The following ALG1L2 variants were observed in gnomAD, a reference collection of about 807,000 sequenced individuals.
ALG1L2 encodes putative glycosyltransferase ALG1L2.
In ALG1L2, 32 loss-of-function variants were observed where a neutral mutation model predicts 29.0. That is an observed-to-expected ratio of 1.10 (90% confidence interval 0.83 to 1.48). The LOEUF is 1.48. Ranked by LOEUF, ALG1L2 falls within the 40% of genes most tolerant of loss-of-function variation. The pLI, the probability that ALG1L2 is intolerant of heterozygous loss-of-function variation, is 0.00. For missense variants in ALG1L2, 318 were observed against 274.1 expected (o/e 1.16, Z -1.13); for synonymous variants, 110 against 109.5 (o/e 1.00, Z -0.03).
chr3:130,095,019 CT>C, intron 5 of ALG1L2, among the ~76,000 whole-genome samples: 1 of 152,182 alleles, frequency 6.6e-6, no homozygotes, highest in Admixed American at 6.5e-5. Context: ...GGCTGAGGGC[CT>C]TTTCCTGGCA....
chr3:130,092,218 G>T lies in ALG1L2; in HGVS notation c.249G>T (p.Trp83Cys). 6.2e-7 allele frequency: 1 copy of T among 1,610,220 alleles called. No individual in the cohort carries two copies. The highest frequency in any genetic ancestry group is 8.5e-7 in the Non-Finnish European group (1 of 1,178,916). Residue 83 changes from tryptophan (W) to cysteine (C), a missense_variant, in exon 3 of 8, where the codon TGG (tryptophan) becomes TGT (cysteine). Trp to Cys is a radical substitution (Grantham distance 215). Coordinates refer to ENST00000425059, the MANE Select transcript of ALG1L2 (RefSeq NM_001136152.1). Reference sequence around the variant, plus strand: ...CCCTGCTGGTCAGCAGCACAAGCTGGACAGGTCTGCATGACCACTGGGGCA... The same window carrying T: ...CCCTGCTGGTCAGCAGCACAAGCTGTACAGGTCTGCATGACCACTGGGGCA... ...RPALLVSSTS[W>C]TEFEQLTLDG...
Position 130,098,214 on chromosome 3 carries a change from G to A in ALG1L2, c.616-9G>A, listed in dbSNP as rs1291081866. On this transcript the variant is annotated splice_polypyrimidine_tract_variant and intron_variant, in intron 7 of 7. Coordinates refer to ENST00000425059, the MANE Select transcript of ALG1L2 (RefSeq NM_001136152.1). ...GGGGACAGGCAATGAGGTAAGCTCT[G>A]CTCTTCAGTATTTTGCAGATGCTTT... 23 of 1,596,426 alleles carry A rather than the reference G, an allele frequency of 1.4e-5. No homozygotes were observed. The highest frequency in any genetic ancestry group is 1.9e-5 in the Non-Finnish European group (22 of 1,179,758).
chr3:130,094,128 C>T (rs993570701), intron 4 of ALG1L2: 12 of 480,276 alleles, frequency 2.5e-5, no homozygotes, highest in African/African-American at 2.2e-4. Flanking sequence ...TGGGTGGTCG[C>T]GTGCCAGGCC....
At chr3:130,095,987 G>A in intron 5 of ALG1L2, 62 bp from the exon 6 acceptor site, 2 of 1,474,554 alleles carry the variant, frequency 1.4e-6, no homozygotes, top group Non-Finnish European at 9.2e-7. Flanking sequence ...TCACTGTGCT[G>A]GGAGGATTTG....
chr3:130,084,369 T>G, intron 1 of ALG1L2, among the ~76,000 whole-genome samples: 1 of 147,124 alleles, frequency 6.8e-6, no homozygotes, highest in Non-Finnish European at 1.5e-5. Context: ...ATAAAGGAGA[T>G]GGAGAGGAAG....
chr3:130,088,377 C>T (rs771463646), intron 1 of ALG1L2, among the ~76,000 whole-genome samples: 26 of 152,298 alleles, frequency 1.7e-4, no homozygotes, highest in Non-Finnish European at 2.9e-4. Flanking sequence ...GGTCTTTCCC[C>T]TGCTGTTCCC....
At chr3:130,082,122 A>C (rs1305260288) in intron 1 of ALG1L2, 86 bp downstream of exon 1, 1 of 1,442,916 alleles carries the variant, frequency 6.9e-7, no homozygotes, top group Non-Finnish European at 9.5e-7. Context: ...AGACCCTTGA[A>C]GAAATCAGGG....
chr3:130,087,155 C>A (rs558562076), intron 1 of ALG1L2, among the ~76,000 whole-genome samples: 1 of 149,136 alleles, frequency 6.7e-6, no homozygotes, highest in Admixed American at 6.8e-5. Context: ...CTTCACTGAA[C>A]GATCAACATT....
intron 1 of ALG1L2, among the ~76,000 whole-genome samples, chr3:130,083,334 C>T (rs1457463477): frequency 2.3e-5 from 3 of 130,698 alleles, no homozygotes; most frequent in Non-Finnish European, 5.3e-5. Context: ...ATCCCAGCTA[C>T]TCAGGAGGCT....
intron 6 of ALG1L2, 45 bp downstream of exon 6, chr3:130,096,208 C>G: frequency 1.3e-6 from 2 of 1,595,920 alleles, no homozygotes; most frequent in Non-Finnish European, 1.7e-6. Flanking sequence ...CTTCACAGAT[C>G]CACCGCTGAG....
At position 130,091,997 on chromosome 3, in the gene ALG1L2, C is replaced by T. The variant is rs544734095; in HGVS notation, c.132-104C>T. 198 of 1,558,552 alleles carry T rather than the reference C, an allele frequency of 1.3e-4. 1 individual carries two copies. Among genetic ancestry groups the T allele is most frequent in the African/African-American group, 6.0e-4 (44 of 73,350 alleles). On this transcript the variant is annotated intron_variant, in intron 2 of 7. Coordinates refer to ENST00000425059, the MANE Select transcript of ALG1L2 (RefSeq NM_001136152.1). ...TGGTGCTGCTGATGCAGCCGGGCAC[C>T]CCAACCGTTGGGAGCCTGCAGGCCT...
chr3:130,082,132 G>T (rs1299533105), intron 1 of ALG1L2, 96 bp downstream of exon 1: 17 of 1,387,074 alleles, frequency 1.2e-5, no homozygotes, highest in Non-Finnish European at 1.7e-5. Flanking sequence ...AGAAATCAGG[G>T]TACAGGCAGT....
At chr3:130,094,563 GGAACAGGGGTGGGC>G in intron 5 of ALG1L2, 50 bp downstream of exon 5, 4 of 1,330,490 alleles carry the variant, frequency 3.0e-6, no homozygotes, top group Non-Finnish European at 4.2e-6. Context: ...TTATGCAGGG[GGAACAGGGGTGGGC>G]GGGGTGTACC....
rs1257287816 is a variant in ALG1L2 at position 130,092,208 on chromosome 3, G to A, written c.239G>A (p.Ser80Asn). Residue 80 changes from serine to asparagine, a missense_variant, in exon 3 of 8, where the codon AGC (serine) becomes AAC (asparagine). Transcript: ENST00000425059. ...GAGCGGCCAGCCCTGCTGGTCAGCA[G>A]CACAAGCTGGACAGGTCTGCATGAC... is the stretch of plus-strand genomic sequence containing the variant. ...LHERPALLVS[S>N]TSWTEFEQLT... 6.2e-7 allele frequency: 1 copy of A among 1,610,882 alleles called. No homozygotes were observed. The highest frequency in any genetic ancestry group is 8.5e-7 in the Non-Finnish European group (1 of 1,179,150).
In ALG1L2 at chr3:130,098,266, A is replaced by G; in HGVS notation, c.*11A>G. On this transcript the variant is annotated 3_prime_UTR_variant, in exon 8 of 8. Coordinates refer to ENST00000425059, the MANE Select transcript of ALG1L2 (RefSeq NM_001136152.1). ...CTCAAACTTTCCTGATCCTGAAGGC[A>G]AGCTAAACCAGTTCCGGAAGAACCT... 6.3e-7 allele frequency: 1 copy of G among 1,596,438 alleles called. No homozygotes were observed. Among genetic ancestry groups the G allele is most frequent in the South Asian group, 1.1e-5 (1 of 90,992 alleles).
intron 1 of ALG1L2, among the ~76,000 whole-genome samples, chr3:130,084,900 T>C (rs1420481183): frequency 3.9e-5 from 5 of 128,618 alleles, no homozygotes; most frequent in Admixed American, 1.6e-4. Flanking sequence ...CACACAAAAA[T>C]ACACATATAT....
intron 3 of ALG1L2, 145 bp downstream of exon 3, chr3:130,092,367 G>C: frequency 6.3e-7 from 1 of 1,599,540 alleles, no homozygotes; most frequent in Non-Finnish European, 8.5e-7. Context: ...GAAGAGTGGT[G>C]TCTAGAAACA....
chr3:130,082,900 T>C (rs1353211020), intron 1 of ALG1L2, among the ~76,000 whole-genome samples: 2 of 141,154 alleles, frequency 1.4e-5, no homozygotes, highest in East Asian at 4.0e-4. Context: ...CACTTTCTCT[T>C]ATTATAGAAT....
rs575121440 is a variant in ALG1L2, at chr3:130,093,986, A to G, written c.314-417A>G. On this transcript the variant is annotated intron_variant, in intron 4 of 7. Coordinates refer to ENST00000425059, the MANE Select transcript of ALG1L2 (RefSeq NM_001136152.1). Reference sequence around the variant, plus strand: ...GCAGGTGCGGCTTGGAACCCGCGCCATGTGCTCTGGGGGCTGTGGCAGGGC... The same window carrying G: ...GCAGGTGCGGCTTGGAACCCGCGCCGTGTGCTCTGGGGGCTGTGGCAGGGC... 9.2e-4 allele frequency: 222 copies of G among 240,532 alleles called. 2 individuals carry two copies. The highest frequency in any genetic ancestry group is 1.2e-3 in the Non-Finnish European group (145 of 120,882). 14.9% of individuals were successfully genotyped at this position (240,532 alleles called of 1,614,324 possible).
Sources: allele counts gnomAD v4.1 joint callset (sites outside exome capture counted in the v4.1 genomes callset), GRCh38; gene constraint gnomAD v4.1.1; transcripts MANE v1.5; gene names NCBI Gene and HGNC (gene_info 2026-07-23, HGNC 2026-07-21).